IGDCC3: variants seen among roughly 807,000 people sequenced by gnomAD.
IGDCC3 encodes immunoglobulin superfamily DCC subclass member 3.
IGDCC3 carries 47 observed loss-of-function variants against 72.0 expected under a neutral mutation model. The ratio of observed to expected loss-of-function variants is 0.65; its 90% CI spans 0.52 to 0.83. The LOEUF (loss-of-function observed/expected upper bound fraction) is 0.83. Among genes scored for constraint, IGDCC3 ranks in the 40% least tolerant of loss-of-function variants. The pLI, the probability that IGDCC3 is intolerant of heterozygous loss-of-function variation, is 0.00. For missense variants in IGDCC3, 1,038 were observed against 1,091.3 expected, an observed-to-expected ratio of 0.95 and a Z score of 0.69; for synonymous variants, 477 against 472.8, an observed-to-expected ratio of 1.01 and a Z score of -0.11.
chr15:65,360,805 T>A (rs902943737), intron 2 of IGDCC3, among the ~76,000 whole-genome samples: 1 of 152,158 alleles, frequency 6.6e-6, no homozygotes, highest in African/African-American at 2.4e-5. Flanking sequence ...AGACAGAGTC[T>A]TGCTCTGTCA....
At chr15:65,335,786 CTCTG>C (rs1423233129) in intron 3 of IGDCC3, 22 bp downstream of exon 3, 2 of 1,613,478 alleles carry the variant, frequency 1.2e-6, no homozygotes, top group African/African-American at 2.7e-5. Flanking sequence ...TTTGTCCTCC[CTCTG>C]TCTTTCCCAC....
chr15:65,328,973 C>T lies in IGDCC3; in HGVS notation c.2381G>A (p.Ser794Asn). The T allele has an allele frequency of 1.2e-6, 2 of 1,600,212 alleles. No homozygotes were observed. Among genetic ancestry groups the T allele is most frequent in the Non-Finnish European group, 1.7e-6 (2 of 1,174,678 alleles). The change falls in exon 14 of 14, where the codon AGT becomes AAT. Residue 794 changes from serine to asparagine, a missense_variant. Physicochemically the swap from Ser to Asn is conservative, Grantham distance 46. Coordinates refer to ENST00000327987, the MANE Select transcript of IGDCC3 (RefSeq NM_004884.4). ...TGCAGGCCTGGAAGCCTGGCCTTCA[C>T]TGAGGAGGCCAGGGCCTCCATCTGG... is the stretch of plus-strand genomic sequence containing the variant. ...PPPDGGPGLL[S>N]EGQASRPAAA...
intron 1 of IGDCC3, among the ~76,000 whole-genome samples, chr15:65,376,069 C>T (rs915778059): frequency 2.0e-5 from 3 of 152,308 alleles, no homozygotes; most frequent in South Asian, 2.1e-4. Context: ...TCCCAGTACC[C>T]GGGGTACAGA....
intron 2 of IGDCC3, among the ~76,000 whole-genome samples, chr15:65,373,092 T>TA (rs1019827271): frequency 1.1e-4 from 16 of 152,062 alleles, no homozygotes; most frequent in African/African-American, 2.7e-4. Flanking sequence ...TTACCATTTA[T>TA]AAAAAAAAGC....
chr15:65,356,055 T>A, intron 2 of IGDCC3: 2 of 260,420 alleles, frequency 7.7e-6, no homozygotes, highest in South Asian at 6.1e-5. Context: ...CTTCTCCACC[T>A]GCAGATTCTC....
At chr15:65,370,602 G>GTATATATATATGTATGTA (rs1236910113) in intron 2 of IGDCC3, among the ~76,000 whole-genome samples, 1 of 97,678 alleles carries the variant, frequency 1.0e-5, no homozygotes, top group Non-Finnish European at 2.0e-5. Context: ...ATATATGTAT[G>GTATATATATATGTATGTA]TGTATATATA....
At chr15:65,367,214 T>C (rs1285306961) in intron 2 of IGDCC3, among the ~76,000 whole-genome samples, 1 of 151,562 alleles carries the variant, frequency 6.6e-6, no homozygotes. Flanking sequence ...GGTGTGGTGG[T>C]GCATGCCTGT....
chr15:65,362,550 G>A (rs887978267), intron 2 of IGDCC3, among the ~76,000 whole-genome samples: 14 of 127,204 alleles, frequency 1.1e-4, no homozygotes, highest in African/African-American at 3.2e-4. Flanking sequence ...GCCCCCACTG[G>A]CAAGGGGTGA....
intron 2 of IGDCC3, among the ~76,000 whole-genome samples, chr15:65,344,122 AAG>A (rs1387859263): frequency 6.6e-6 from 1 of 152,160 alleles, no homozygotes; most frequent in Non-Finnish European, 1.5e-5. Flanking sequence ...TCTGAACCCA[AAG>A]AGTATGTTTT....
intron 6 of IGDCC3, among the ~76,000 whole-genome samples, 153 bp downstream of exon 6, chr15:65,333,104 G>A (rs1195287815): frequency 1.3e-5 from 2 of 152,246 alleles, no homozygotes; most frequent in African/African-American, 2.4e-5. Context: ...AGAACGCACC[G>A]CCTTTGGCCT....
chr15:65,335,618 C>T (rs1254317708), intron 3 of IGDCC3, among the ~76,000 whole-genome samples, 194 bp downstream of exon 3: 2 of 152,124 alleles, frequency 1.3e-5, no homozygotes, highest in South Asian at 4.1e-4. Flanking sequence ...TCCTCAGACA[C>T]ATCCATGAGC....
intron 6 of IGDCC3, among the ~76,000 whole-genome samples, chr15:65,332,565 G>C (rs1430112884): frequency 6.6e-6 from 1 of 152,202 alleles, no homozygotes; most frequent in Non-Finnish European, 1.5e-5. Flanking sequence ...TTAAAACCGG[G>C]AAATGAAATG....
At chr15:65,360,995 T>C (rs1045580731) in intron 2 of IGDCC3, among the ~76,000 whole-genome samples, 1 of 152,172 alleles carries the variant, frequency 6.6e-6, no homozygotes, top group Non-Finnish European at 1.5e-5. Context: ...CAGGCTGGTC[T>C]TGAACTCCTG....
Position 65,358,108 on chromosome 15 carries a change from T to A in IGDCC3, c.409+16989A>T, listed in dbSNP as rs539614966. On this transcript the variant is annotated intron_variant, in intron 2 of 13. Coordinates refer to ENST00000327987, the MANE Select transcript of IGDCC3 (RefSeq NM_004884.4). ...TTAGTAGCAGATCCAAGACATATTTTTTTTTTTTTTTTTCTGAGACAGGGT... is the reference window on the plus strand; with the variant it reads ...TTAGTAGCAGATCCAAGACATATTTATTTTTTTTTTTTTCTGAGACAGGGT... 1.1e-4 allele frequency among the ~76,000 whole-genome samples: 17 copies of A among 151,628 alleles called. No homozygotes were observed. The East Asian group carries it at 2.7e-3, about 24-fold the overall frequency.
At position 65,339,943 on chromosome 15, in the gene IGDCC3, G is replaced by A. The variant is rs2091065010; in HGVS notation, c.410-3987C>T. 6.6e-6 allele frequency among the ~76,000 whole-genome samples: 1 copy of A among 152,170 alleles called. No homozygotes were observed. ...TGTGAGGGCCAGAGAAAGCGACAGGGAGGACAAAGTCCTGCTTGGCAGTAG... is the reference window on the plus strand; with the variant it reads ...TGTGAGGGCCAGAGAAAGCGACAGGAAGGACAAAGTCCTGCTTGGCAGTAG... On this transcript the variant is annotated intron_variant, in intron 2 of 13. Coordinates refer to ENST00000327987, the MANE Select transcript of IGDCC3 (RefSeq NM_004884.4). The surrounding 1 kb of genome is among the most constrained non-coding windows in gnomAD (Gnocchi z 4.1).
chr15:65,349,986 ATTCTC>A (rs1252845170), intron 2 of IGDCC3, among the ~76,000 whole-genome samples: 1 of 152,064 alleles, frequency 6.6e-6, no homozygotes, highest in Non-Finnish European at 1.5e-5. Flanking sequence ...GACCTTGTCT[ATTCTC>A]TTCTCTGTGG....
At position 65,329,394 on chromosome 15, in the gene IGDCC3, G is replaced by T; in HGVS notation, c.2201C>A (p.Pro734His). The part of the protein sequence containing the change: ...ASAAGQPDPR[P>H]TQDPAAPAPC... ...GTTTAAGACATGGGCACTCACTGTGGGTCTGGGGTCCGGCTGCCCTGCTGC... is the reference window on the plus strand; with the variant it reads ...GTTTAAGACATGGGCACTCACTGTGTGTCTGGGGTCCGGCTGCCCTGCTGC... Residue 734 changes from proline to histidine, a missense_variant, in exon 13 of 14, where the codon CCC becomes CAC. Physicochemically the swap from Pro to His is moderately conservative, Grantham distance 77. Transcript: ENST00000327987. The surrounding 1 kb of genome is among the most constrained non-coding windows in gnomAD (Gnocchi z 4.1). The T allele has an allele frequency of 6.3e-7, 1 of 1,585,772 alleles. No individual in the cohort carries two copies. Among genetic ancestry groups the T allele is most frequent in the Non-Finnish European group, 8.5e-7 (1 of 1,170,098 alleles).
chr15:65,356,556 A>C (rs1567068785), intron 2 of IGDCC3, among the ~76,000 whole-genome samples: 1 of 152,114 alleles, frequency 6.6e-6, no homozygotes, highest in Non-Finnish European at 1.5e-5. Context: ...GAAATCAATC[A>C]GAACTAAAGG....
At chr15:65,376,974 G>T (rs1261547993) in intron 1 of IGDCC3, among the ~76,000 whole-genome samples, 1 of 152,140 alleles carries the variant, frequency 6.6e-6, no homozygotes, top group African/African-American at 2.4e-5. Flanking sequence ...CAGCAGAACC[G>T]GCGGACCGCG....
Sources: allele counts gnomAD v4.1 joint callset (sites outside exome capture counted in the v4.1 genomes callset), GRCh38; gene constraint gnomAD v4.1.1; non-coding constraint Gnocchi (gnomAD v3.1); transcripts MANE v1.5; gene names NCBI Gene and HGNC (gene_info 2026-07-23, HGNC 2026-07-21).